The following RAPGEF1 variants were observed in gnomAD, a reference collection of about 807,000 sequenced individuals.
The protein encoded by RAPGEF1 is Rap guanine nucleotide exchange factor 1.
Under a neutral mutation model 143.3 loss-of-function variants are expected in RAPGEF1, and 33 were observed. The observed-to-expected ratio is 0.23, with a 90% confidence interval of 0.17 to 0.31. The LOEUF is 0.31. Among genes scored for constraint, RAPGEF1 ranks in the 10% least tolerant of loss-of-function variants. The pLI, the probability that RAPGEF1 is intolerant of heterozygous loss-of-function variation, is 1.00. For synonymous variants in RAPGEF1, 629 were observed against 676.5 expected (o/e 0.93, Z 1.09); for missense variants, 1,199 against 1,645.4 (o/e 0.73, Z 4.69).
chr9:131,657,219 G>T (rs760200228), intron 1 of RAPGEF1, among the ~76,000 whole-genome samples: 11 of 152,168 alleles, frequency 7.2e-5, no homozygotes, highest in Non-Finnish European at 1.5e-4. Context: ...GGGCAATCTC[G>T]CCAACGGCTC....
chr9:131,649,191 C>T (rs1310239664), intron 3 of RAPGEF1, among the ~76,000 whole-genome samples: 1 of 145,722 alleles, frequency 6.9e-6, no homozygotes, highest in East Asian at 2.0e-4. Context: ...TGCCACTATG[C>T]CTGGCTAAAT....
At chr9:131,736,763 T>C (rs1455965163) in intron 1 of RAPGEF1, among the ~76,000 whole-genome samples, 1 of 152,168 alleles carries the variant, frequency 6.6e-6, no homozygotes, top group East Asian at 1.9e-4. Context: ...TTCTTCTACT[T>C]TCAGGGAGAG....
intron 4 of RAPGEF1, among the ~76,000 whole-genome samples, chr9:131,642,595 T>G (rs1267392174): frequency 6.6e-6 from 1 of 152,246 alleles, no homozygotes; most frequent in East Asian, 1.9e-4. Flanking sequence ...GAGGCCTGTT[T>G]GGATAAGGCC....
chr9:131,626,425 G>A lies in RAPGEF1; in HGVS notation c.1202-3C>T, dbSNP rs745665459. The stretch of plus-strand genomic sequence containing the variant: ...TTCATAGTCGGGATCATAGTGGTCT[G>A]CAGTTACAACAGGGGAAAAAGAGAC... On this transcript the variant is annotated splice_region_variant and splice_polypyrimidine_tract_variant and intron_variant, in intron 9 of 26. Transcript: ENST00000683357. 2.5e-6 allele frequency: 4 copies of A among 1,575,762 alleles called. No individual in the cohort carries two copies. In the African/African-American group the frequency reaches 5.4e-5, roughly 21 times the overall value.
intron 5 of RAPGEF1, among the ~76,000 whole-genome samples, chr9:131,634,271 G>A (rs917714259): frequency 1.1e-4 from 17 of 151,792 alleles, no homozygotes; most frequent in African/African-American, 4.1e-4. Flanking sequence ...AAGAAGAAGA[G>A]ACTACTCTAG....
chr9:131,657,852 C>T (rs575044973), intron 1 of RAPGEF1, among the ~76,000 whole-genome samples: 19 of 152,302 alleles, frequency 1.2e-4, no homozygotes, highest in African/African-American at 4.3e-4. Flanking sequence ...TAGTTTATAT[C>T]GACATATACA....
chr9:131,603,926 A>G (rs1180596011), intron 14 of RAPGEF1, 35 bp downstream of exon 14: 5 of 1,244,928 alleles, frequency 4.0e-6, no homozygotes, highest in Admixed American at 2.3e-5. Flanking sequence ...CCACCAGGCC[A>G]GGCCACATGC....
intron 1 of RAPGEF1, among the ~76,000 whole-genome samples, chr9:131,722,661 AAGATGACTGGGTCCCCATCC>A (rs1291927329): frequency 6.6e-6 from 1 of 152,248 alleles, no homozygotes; most frequent in East Asian, 1.9e-4. Flanking sequence ...GCCCAGGTCC[AAGATGACTGGGTCCCCATCC>A]AGAGGTGCAG....
chr9:131,595,139 G>A (rs978334620), intron 17 of RAPGEF1, among the ~76,000 whole-genome samples: 1 of 152,224 alleles, frequency 6.6e-6, no homozygotes, highest in African/African-American at 2.4e-5. Context: ...AGTGGAGTCG[G>A]CTCAGGCCGA....
rs748530082 is a variant in RAPGEF1, at chr9:131,628,409, T to C, written c.1017+140A>G. On this transcript the variant is annotated intron_variant, in intron 8 of 26. Coordinates refer to ENST00000683357, the MANE Select transcript of RAPGEF1 (RefSeq NM_001377935.1). The surrounding 1 kb of genome is among the most constrained non-coding windows in gnomAD (Gnocchi z 5.7). ...GGACCGTGTCCTGGAGAGAGAGGGA[T>C]GGGTACAAGGTCTCGCACTCCTCGA... The C allele has an allele frequency of 8.5e-7, 1 of 1,182,926 alleles. No individual in the cohort carries two copies. Among genetic ancestry groups the C allele is most frequent in the Admixed American group, 2.6e-5 (1 of 38,086 alleles). 73.3% of individuals were successfully genotyped at this position (1,182,926 alleles called of 1,614,324 possible). A position where few individuals can be genotyped will look rare whatever the true frequency, so the allele number is the denominator to read the frequency against.
chr9:131,604,814 A>G (rs1564502857), intron 13 of RAPGEF1, 117 bp downstream of exon 13: 2 of 1,186,124 alleles, frequency 1.7e-6, no homozygotes, highest in Non-Finnish European at 2.1e-6. Flanking sequence ...CCCAACTGCT[A>G]GTAAAGGGGA....
chr9:131,609,717 A>G (rs1957720428), intron 12 of RAPGEF1, among the ~76,000 whole-genome samples: 1 of 152,174 alleles, frequency 6.6e-6, no homozygotes, highest in Non-Finnish European at 1.5e-5. Context: ...CGTGTGGCCA[A>G]TTCATTAAAA....
At chr9:131,597,919 T>A (rs540213455) in intron 16 of RAPGEF1, among the ~76,000 whole-genome samples, 19 of 152,234 alleles carry the variant, frequency 1.2e-4, no homozygotes, top group African/African-American at 4.1e-4. Flanking sequence ...AGGGGTTCCA[T>A]CTCCACACCC....
intron 12 of RAPGEF1, among the ~76,000 whole-genome samples, chr9:131,617,940 C>G (rs1036674628): frequency 2.0e-5 from 3 of 152,184 alleles, no homozygotes; most frequent in Admixed American, 2.0e-4. Context: ...CCTGGACATG[C>G]GCAGATGCCA....
chr9:131,737,573 C>T, intron 1 of RAPGEF1: 1 of 1,557,116 alleles, frequency 6.4e-7, no homozygotes, highest in Non-Finnish European at 8.7e-7. Context: ...GAACTGGCCT[C>T]AGGTCTTTCT....
At chr9:131,617,881 C>T (rs1959260608) in intron 12 of RAPGEF1, among the ~76,000 whole-genome samples, 1 of 152,224 alleles carries the variant, frequency 6.6e-6, no homozygotes, top group Non-Finnish European at 1.5e-5. Flanking sequence ...TTCCCCTGTG[C>T]TAAGTTTCAT....
At position 131,605,193 on chromosome 9, in the gene RAPGEF1, A is replaced by G. The variant is rs1956919934; in HGVS notation, c.2062-5T>C. ...GGACCTAAACACAGACTTATACTAC[A>G]GAATCCAGGTGGAGAACAAACAAAA... On this transcript the variant is annotated splice_region_variant and splice_polypyrimidine_tract_variant and intron_variant, in intron 12 of 26. Transcript: ENST00000683357. 2 of 1,317,962 alleles carry G rather than the reference A, an allele frequency of 1.5e-6. No homozygotes were observed. Among genetic ancestry groups the G allele is most frequent in the South Asian group, 1.2e-5 (1 of 82,536 alleles). The allele number at this position is 1,317,962 out of a possible 1,614,324, so 81.6% of individuals were successfully genotyped here.
intron 1 of RAPGEF1, among the ~76,000 whole-genome samples, chr9:131,674,660 C>T (rs543050256): frequency 4.9e-4 from 75 of 152,310 alleles, no homozygotes; most frequent in African/African-American, 7.9e-4. Flanking sequence ...GAGTCCAGTC[C>T]GGTGACCGCC....
intron 10 of RAPGEF1, among the ~76,000 whole-genome samples, chr9:131,623,751 G>A (rs908035053): frequency 6.6e-5 from 10 of 152,366 alleles, no homozygotes; most frequent in Admixed American, 2.0e-4. Context: ...GGGACTCATG[G>A]GGCTGCTCCG....
Sources: gnomAD v4.1 joint callset for allele counts (sites outside exome capture counted in the v4.1 genomes callset) on GRCh38, gnomAD v4.1.1 for gene constraint, Gnocchi (gnomAD v3.1) non-coding constraint, MANE v1.5 for transcripts, NCBI Gene and HGNC (gene_info 2026-07-23, HGNC 2026-07-21) for gene names.